Variants in SMARCA2 observed in about 807,000 individuals in gnomAD.
SMARCA2 encodes SWI/SNF related BAF chromatin remodeling complex subunit ATPase 2.
SMARCA2 carries 61 observed loss-of-function variants against 199.8 expected under a neutral mutation model. The ratio of observed to expected loss-of-function variants is 0.31; its 90% confidence interval spans 0.25 to 0.38. The LOEUF (loss-of-function observed/expected upper bound fraction) is 0.38. SMARCA2 is among the 10% of genes least tolerant of loss of function. The probability of loss-of-function intolerance (pLI) is 1.00; values close to 1 mark genes in which losing one functional copy is unlikely to be tolerated. For missense variants in SMARCA2, 1,344 were observed against 2,012.2 expected, an observed-to-expected ratio of 0.67 and a Z score of 6.35; for synonymous variants, 935 against 732.0, an observed-to-expected ratio of 1.28 and a Z score of -4.48.
chr9:2,083,111 C>T (rs1821640601), intron 15 of SMARCA2, among the ~76,000 whole-genome samples: 2 of 151,758 alleles, frequency 1.3e-5, no homozygotes, highest in South Asian at 4.2e-4. Flanking sequence ...TTTATGTATT[C>T]TTTAGTTTTT....
chr9:2,143,869 A>G (rs1824584605), intron 27 of SMARCA2, among the ~76,000 whole-genome samples: 1 of 152,202 alleles, frequency 6.6e-6, no homozygotes, highest in African/African-American at 2.4e-5. Context: ...ATATGCATTG[A>G]GGTTGTAGGG....
chr9:2,118,754 C>T (rs367934656), intron 25 of SMARCA2, among the ~76,000 whole-genome samples: 5 of 152,220 alleles, frequency 3.3e-5, no homozygotes, highest in Non-Finnish European at 7.4e-5. Flanking sequence ...CTTTGTTTGA[C>T]GTAATATAAA....
chr9:2,085,412 A>G (rs1453242385), intron 17 of SMARCA2, among the ~76,000 whole-genome samples: 1 of 152,226 alleles, frequency 6.6e-6, no homozygotes, highest in Non-Finnish European at 1.5e-5. Context: ...AATTTTGTCC[A>G]AGTGGAAGAC....
intron 29 of SMARCA2, among the ~76,000 whole-genome samples, chr9:2,180,212 T>C (rs1010214799): frequency 1.6e-4 from 25 of 152,170 alleles, no homozygotes; most frequent in African/African-American, 6.0e-4. Flanking sequence ...CTGATTTTCG[T>C]ACTCATGAGG....
At chr9:2,135,956 C>G (rs1330194429) in intron 27 of SMARCA2, among the ~76,000 whole-genome samples, 11 of 152,210 alleles carry the variant, frequency 7.2e-5, no homozygotes, top group African/African-American at 2.4e-4. Flanking sequence ...ATTCTTCTGC[C>G]TCCGTCTCCC....
intron 3 of SMARCA2, among the ~76,000 whole-genome samples, chr9:2,037,984 G>A (rs1819404809): frequency 6.6e-6 from 1 of 152,032 alleles, no homozygotes; most frequent in African/African-American, 2.4e-5. Context: ...GGTTTTTTGT[G>A]CATTTTGATT....
intron 27 of SMARCA2, chr9:2,159,844 G>A: frequency 6.2e-7 from 1 of 1,611,878 alleles, no homozygotes; most frequent in Non-Finnish European, 8.5e-7. Flanking sequence ...TCGCTGCTTT[G>A]CTGGCTTGTT....
intron 19 of SMARCA2, among the ~76,000 whole-genome samples, chr9:2,091,704 TG>T (rs1822069944): frequency 6.6e-6 from 1 of 152,356 alleles, no homozygotes; most frequent in East Asian, 1.9e-4. Context: ...TCTGAAGCAC[TG>T]GGTAGTCCCA....
chr9:2,138,623 C>T (rs1055819242), intron 27 of SMARCA2, among the ~76,000 whole-genome samples: 25 of 152,280 alleles, frequency 1.6e-4, no homozygotes, highest in Middle Eastern at 6.8e-3. Flanking sequence ...AAGATGGGCT[C>T]AGGTGTCAGA....
At chr9:2,015,873 G>A (rs961989594) in intron 1 of SMARCA2, 1 of 152,286 alleles carries the variant, frequency 6.6e-6, no homozygotes, top group East Asian at 1.9e-4. Context: ...GGGGAGGGGG[G>A]TGGCCGCAGG....
rs142930412 is a variant in SMARCA2, at chr9:2,086,855, C to T, written c.2553C>T (p.Asp851=). 3.3e-5 allele frequency: 54 copies of T among 1,614,000 alleles called. No homozygotes were observed. Among genetic ancestry groups the T allele is most frequent in the African/African-American group, 3.3e-4 (25 of 75,014 alleles). Residue 851 remains aspartate, a synonymous_variant, in exon 18 of 34, where the codon GAC becomes GAT. Coordinates refer to ENST00000349721, the MANE Select transcript of SMARCA2 (RefSeq NM_003070.5). The surrounding 1 kb of genome is among the most constrained non-coding windows in gnomAD (Gnocchi z 4.3). ...TTCGGTGGAAATACATGATAGTGGA[C>T]GAAGGCCACCGAATGAAGAATCACC... ...AKIRWKYMIV[D]EGHRMKNHHC...
At chr9:2,041,155 A>G (rs549472872) in intron 4 of SMARCA2, 3 of 392,558 alleles carry the variant, frequency 7.6e-6, no homozygotes, top group Non-Finnish European at 1.3e-5. Flanking sequence ...CTGCCTATTG[A>G]GTTTGTATAC....
intron 31 of SMARCA2, among the ~76,000 whole-genome samples, chr9:2,185,170 C>CAACT (rs1403367242): frequency 6.6e-6 from 1 of 152,140 alleles, no homozygotes; most frequent in Non-Finnish European, 1.5e-5. Context: ...TGCCTACGAA[C>CAACT]AACTAACTCT....
At chr9:2,057,681 G>C (rs1235842281) in intron 7 of SMARCA2, among the ~76,000 whole-genome samples, 1 of 152,196 alleles carries the variant, frequency 6.6e-6, no homozygotes, top group African/African-American at 2.4e-5. Flanking sequence ...GAAATATTTT[G>C]ATGTAGGATT....
At chr9:2,019,304 A>T (rs1818501473) in intron 1 of SMARCA2, among the ~76,000 whole-genome samples, 1 of 152,204 alleles carries the variant, frequency 6.6e-6, no homozygotes, top group Non-Finnish European at 1.5e-5. Context: ...CCTTTCTCTT[A>T]TGACTTATAT....
At position 2,161,728 on chromosome 9, in the gene SMARCA2, C is replaced by A. The variant is rs1434284433; in HGVS notation, c.4024C>A (p.Arg1342=). The change falls in exon 28 of 34, where the codon CGG becomes AGG. Residue 1342 remains arginine (R), a synonymous_variant. Coordinates refer to ENST00000349721, the MANE Select transcript of SMARCA2 (RefSeq NM_003070.5). This position sits in a 1 kb window ranked among gnomAD's most constrained non-coding sequence, Gnocchi z 4.7. ...TTTGGAGGAAATGGAAGAGGAAGTA[C>A]GGCTTAAGAAGCGAAAAAGACGAAG... ...GNLEEMEEEV[R]LKKRKRRRNV... The A allele has an allele frequency of 6.2e-6, 10 of 1,613,716 alleles. No individual in the cohort carries two copies. Among genetic ancestry groups the A allele is most frequent in the East Asian group, 2.2e-5 (1 of 44,888 alleles).
At chr9:2,066,160 T>C (rs1456040411) in intron 9 of SMARCA2, among the ~76,000 whole-genome samples, 2 of 152,194 alleles carry the variant, frequency 1.3e-5, no homozygotes, top group African/African-American at 4.8e-5. Context: ...TACCAGCACA[T>C]TTGAATGTTG....
chr9:2,071,857 A>G (rs928785752), intron 10 of SMARCA2, among the ~76,000 whole-genome samples: 3 of 152,162 alleles, frequency 2.0e-5, no homozygotes, highest in Admixed American at 2.0e-4. Flanking sequence ...GAGTATATAG[A>G]TGACCTTTTA....
chr9:2,160,692 A>G (rs7032831), intron 27 of SMARCA2: 54,928 of 670,940 alleles, frequency 0.082, 3,522 homozygotes, highest in African/African-American at 0.27. Flanking sequence ...TGGAGGCAAT[A>G]TTGAGAGGCA....
Sources: allele counts gnomAD v4.1 joint callset (sites outside exome capture counted in the v4.1 genomes callset), GRCh38; gene constraint gnomAD v4.1.1; non-coding constraint Gnocchi (gnomAD v3.1); transcripts MANE v1.5; gene names NCBI Gene and HGNC (gene_info 2026-07-23, HGNC 2026-07-21).